The following ENPP2 variants were observed in gnomAD, a reference collection of about 807,000 sequenced individuals.
ENPP2 encodes the protein autotaxin.
Under a neutral mutation model 120.2 loss-of-function variants are expected in ENPP2, and 51 were observed. That is an observed-to-expected ratio of 0.42 (90% CI 0.34 to 0.54). The LOEUF is 0.54. ENPP2 is among the 20% of genes least tolerant of loss of function. The pLI, the probability that ENPP2 is intolerant of heterozygous loss-of-function variation, is 0.04. For synonymous variants in ENPP2, 365 were observed against 366.4 expected (o/e 1.00, Z 0.04); for missense variants, 920 against 1,066.5 (o/e 0.86, Z 1.91).
intron 19 of ENPP2, among the ~76,000 whole-genome samples, chr8:119,575,066 C>T (rs968639931): frequency 3.3e-5 from 5 of 152,222 alleles, no homozygotes; most frequent in African/African-American, 9.6e-5. Flanking sequence ...ACTTGGCAAA[C>T]ACTTGTTGGT....
At chr8:119,585,927 G>GACACACACAC (rs34249912) in intron 15 of ENPP2, among the ~76,000 whole-genome samples, 93 of 146,330 alleles carry the variant, frequency 6.4e-4, no homozygotes, top group Non-Finnish European at 1.1e-3. Flanking sequence ...GGATGAAAGA[G>GACACACACAC]ACACACACAC....
intron 1 of ENPP2, among the ~76,000 whole-genome samples, chr8:119,653,178 G>C (rs549198591): frequency 6.8e-4 from 103 of 152,266 alleles, no homozygotes; most frequent in African/African-American, 2.4e-3. Context: ...ACAGCATTAA[G>C]AGAGGCATGA....
intron 19 of ENPP2, among the ~76,000 whole-genome samples, chr8:119,573,426 A>AAAAAAAAAAAAAAAAAAAAAAAAAAAT: frequency 6.6e-6 from 1 of 150,594 alleles, no homozygotes; most frequent in African/African-American, 2.4e-5. Context: ...AAAAAAAAAA[A>AAAAAAAAAAAAAAAAAAAAAAAAAAAT]GATTCATTTT....
intron 1 of ENPP2, among the ~76,000 whole-genome samples, chr8:119,649,892 G>A (rs1365253243): frequency 1.3e-5 from 2 of 152,190 alleles, no homozygotes; most frequent in Non-Finnish European, 2.9e-5. Flanking sequence ...TTAAAAGATA[G>A]TTAATACAAA....
chr8:119,621,478 T>C lies in ENPP2; in HGVS notation c.334A>G (p.Arg112Gly), dbSNP rs977546991. ...CAGTGACAGGCATTTTCTTCATTTCTGACTTCTCCACATCTGTCCTTAGTA... is the reference window on the plus strand; with the variant it reads ...CAGTGACAGGCATTTTCTTCATTTCCGACTTCTCCACATCTGTCCTTAGTA... The part of the protein sequence containing the change: ...ECTKDRCGEV[R>G]NEENACHCSE... Residue 112 changes from arginine (R) to glycine (G), a missense_variant, in exon 4 of 25, where the codon AGA (arginine) becomes GGA (glycine). Coordinates refer to ENST00000075322, the MANE Select transcript of ENPP2 (RefSeq NM_001040092.3). 1.2e-6 allele frequency: 2 copies of C among 1,613,490 alleles called. No individual in the cohort carries two copies. The highest frequency in any genetic ancestry group is 2.7e-5 in the African/African-American group (2 of 74,910).
intron 1 of ENPP2, among the ~76,000 whole-genome samples, chr8:119,644,435 A>G (rs1246172789): frequency 6.6e-6 from 1 of 151,662 alleles, no homozygotes; most frequent in African/African-American, 2.4e-5. Context: ...ATGACCATAT[A>G]TATACTCAGT....
chr8:119,619,156 A>T lies in ENPP2; in HGVS notation c.479+88T>A, dbSNP rs1048811821. The T allele has an allele frequency of 5.0e-6, 5 of 991,792 alleles. No individual in the cohort carries two copies. In the African/African-American group the frequency reaches 8.0e-5, roughly 16 times the overall value. The allele number at this position is 991,792 out of a possible 1,614,324, so 61.4% of individuals were successfully genotyped here. A position where few individuals can be genotyped will look rare whatever the true frequency, so the allele number is the denominator to read the frequency against. On this transcript the variant is annotated intron_variant, in intron 5 of 24. Transcript: ENST00000075322. ...CTGTATAAGAGAATTTCAGTTCCAC[A>T]TTGTTTCTAAATACTTCTCTTTTCA...
At chr8:119,631,597 T>C (rs1261219036) in intron 2 of ENPP2, among the ~76,000 whole-genome samples, 1 of 152,048 alleles carries the variant, frequency 6.6e-6, no homozygotes, top group East Asian at 1.9e-4. Flanking sequence ...GAAAAGACCA[T>C]CTTGATGAGT....
chr8:119,617,644 C>G, intron 5 of ENPP2, 81 bp from the exon 6 acceptor site: 1 of 969,002 alleles, frequency 1.0e-6, no homozygotes. Flanking sequence ...ATAATGGGAG[C>G]AATAATTTCC....
At chr8:119,568,003 T>C (rs1354770287) in intron 22 of ENPP2, among the ~76,000 whole-genome samples, 172 bp downstream of exon 22, 3 of 152,036 alleles carry the variant, frequency 2.0e-5, no homozygotes, top group African/African-American at 7.2e-5. Flanking sequence ...TTACATGAAA[T>C]CAAAGTTTAC....
At chr8:119,646,811 C>G (rs1817482092) in intron 1 of ENPP2, among the ~76,000 whole-genome samples, 1 of 152,150 alleles carries the variant, frequency 6.6e-6, no homozygotes. Context: ...TTTCATACCT[C>G]CATTCCTTAA....
In ENPP2 at chr8:119,613,718, A is replaced by G. The variant is rs548449393; in HGVS notation, c.777+2547T>C. ...GCTTATACTCTTATACTTTGACTAA[A>G]GTTTCTTTTTAATTACTTTTTATTT... On this transcript the variant is annotated intron_variant, in intron 8 of 24. Coordinates refer to ENST00000075322, the MANE Select transcript of ENPP2 (RefSeq NM_001040092.3). 1.6e-4 allele frequency among the ~76,000 whole-genome samples: 24 copies of G among 152,216 alleles called. No individual in the cohort carries two copies. In the South Asian group the frequency reaches 4.6e-3, roughly 29 times the overall value.
intron 1 of ENPP2, among the ~76,000 whole-genome samples, chr8:119,658,078 G>A (rs760278850): frequency 3.9e-5 from 6 of 152,192 alleles, no homozygotes; most frequent in Non-Finnish European, 5.9e-5. Context: ...TAATGTTTTT[G>A]TTAAGATTTA....
chr8:119,673,365 T>C lies in ENPP2; in HGVS notation c.-93A>G. On this transcript the variant is annotated 5_prime_UTR_variant, in exon 1 of 26. Coordinates refer to the ENPP2 transcript ENST00000427067. ...ACCTGGGAGCTGTGCTCGGGACGGC[T>C]GCTGCGGACTGCTCTTGTTTGCACT... The C allele has an allele frequency of 2.9e-6, 4 of 1,397,718 alleles. No individual in the cohort carries two copies. The South Asian group carries it at 3.7e-5, about 13-fold the overall frequency. 86.6% of individuals were successfully genotyped at this position (1,397,718 alleles called of 1,614,324 possible).
chr8:119,585,927 G>GACACACACACAC (rs34249912), intron 15 of ENPP2, among the ~76,000 whole-genome samples: 6 of 146,334 alleles, frequency 4.1e-5, no homozygotes, highest in South Asian at 4.4e-4. Context: ...GGATGAAAGA[G>GACACACACACAC]ACACACACAC....
At chr8:119,575,028 C>A (rs1812233464) in intron 19 of ENPP2, among the ~76,000 whole-genome samples, 1 of 152,232 alleles carries the variant, frequency 6.6e-6, no homozygotes, top group African/African-American at 2.4e-5. Context: ...TATCTTCCAT[C>A]TCCAACAATG....
intron 1 of ENPP2, among the ~76,000 whole-genome samples, chr8:119,666,130 T>A (rs1336682678): frequency 1.3e-5 from 2 of 152,218 alleles, no homozygotes; most frequent in African/African-American, 4.8e-5. Flanking sequence ...TACATACACA[T>A]AAAAGAATAT....
intron 2 of ENPP2, among the ~76,000 whole-genome samples, chr8:119,634,766 T>A (rs1396005575): frequency 6.6e-6 from 1 of 152,172 alleles, no homozygotes; most frequent in Non-Finnish European, 1.5e-5. Flanking sequence ...TTGGGGAAGA[T>A]TTGCTGATTT....
At chr8:119,623,977 T>G (rs1438949692) in intron 3 of ENPP2, among the ~76,000 whole-genome samples, 1 of 152,180 alleles carries the variant, frequency 6.6e-6, no homozygotes, top group Non-Finnish European at 1.5e-5. Context: ...TCGAGGAGAT[T>G]AAGTGCTTAG....
Sources: gnomAD v4.1 joint callset for allele counts (sites outside exome capture counted in the v4.1 genomes callset) on GRCh38, gnomAD v4.1.1 for gene constraint, MANE v1.5 for transcripts, NCBI Gene and HGNC (gene_info 2026-07-23, HGNC 2026-07-21) for gene names.